The following DMD variants were observed in gnomAD, a reference collection of about 807,000 sequenced individuals.
DMD encodes dystrophin, also known as mutant dystrophin.
DMD carries 63 observed loss-of-function variants against 330.1 expected under a neutral mutation model. That is an observed-to-expected ratio of 0.19 (90% CI 0.16 to 0.24). The LOEUF (loss-of-function observed/expected upper bound fraction) is 0.24, where lower values mean the gene tolerates loss of function less well. Among genes scored for constraint, DMD ranks in the 10% least tolerant of loss-of-function variants. DMD has a pLI of 1.00. For missense variants in DMD, 3,344 were observed against 2,684.1 expected (o/e 1.25, Z -5.43); for synonymous variants, 1,223 against 959.8 (o/e 1.27, Z -5.07).
intron 7 of DMD, among the ~76,000 whole-genome samples, chrX:32,713,135 C>G (rs1321394823): frequency 8.9e-6 from 1 of 111,905 alleles, no homozygotes; most frequent in South Asian, 3.7e-4. Flanking sequence ...TCTACTAAAG[C>G]AAATCACCTG....
At chrX:31,343,667 G>A (rs4543699) in intron 61 of DMD, among the ~76,000 whole-genome samples, 27,342 of 107,431 alleles carry the variant, frequency 0.25, 2,848 homozygotes, top group East Asian at 0.53. Context: ...CAGAGAGAGA[G>A]AGAGAATAAG....
chrX:31,880,775 G>C (rs952207705), intron 47 of DMD, among the ~76,000 whole-genome samples: 1 of 112,285 alleles, frequency 8.9e-6, no homozygotes, highest in Non-Finnish European at 1.9e-5. Context: ...GGTGATGCTG[G>C]TGTAAGCAAA....
At chrX:32,732,295 C>G (rs1391769795) in intron 7 of DMD, among the ~76,000 whole-genome samples, 1 of 110,962 alleles carries the variant, frequency 9.0e-6, no homozygotes, top group Non-Finnish European at 1.9e-5. Flanking sequence ...ATTGGTGTAC[C>G]TGAAAGTGAT....
intron 41 of DMD, among the ~76,000 whole-genome samples, chrX:32,338,915 A>C (rs1001804852): frequency 9.7e-4 from 109 of 112,068 alleles, no homozygotes; most frequent in African/African-American, 3.3e-3. Flanking sequence ...TTATAGAATT[A>C]AATTTGAAAT....
At chrX:33,326,095 T>C (rs142171405) in intron 1 of DMD, among the ~76,000 whole-genome samples, 1 of 111,238 alleles carries the variant, frequency 9.0e-6, no homozygotes, top group Non-Finnish European at 1.9e-5. Context: ...TTGACAATAG[T>C]ACTGCTCGTG....
intron 63 of DMD, among the ~76,000 whole-genome samples, chrX:31,242,030 G>A (rs1356099718): frequency 9.1e-6 from 1 of 109,927 alleles, no homozygotes; most frequent in Non-Finnish European, 1.9e-5. Context: ...GCCGAGATGG[G>A]CAGATGGCTT....
intron 16 of DMD, among the ~76,000 whole-genome samples, chrX:32,559,344 A>G (rs994962920): frequency 1.8e-4 from 20 of 111,968 alleles, no homozygotes; most frequent in African/African-American, 6.5e-4. Context: ...ACCTTAAGTA[A>G]GAAGGAAACA....
chrX:32,140,583 G>T (rs1417639379), intron 44 of DMD, among the ~76,000 whole-genome samples: 1 of 112,005 alleles, frequency 8.9e-6, no homozygotes, highest in East Asian at 2.8e-4. Context: ...CCGTTTTCAT[G>T]CTGTGATAAA....
At chrX:32,396,083 T>A (rs572647272) in intron 30 of DMD, among the ~76,000 whole-genome samples, 3 of 111,238 alleles carry the variant, frequency 2.7e-5, no homozygotes, top group African/African-American at 9.8e-5. Context: ...CATATTGTTG[T>A]CATAAGTCAT....
intron 1 of DMD, among the ~76,000 whole-genome samples, chrX:33,253,658 T>A (rs1603425658): frequency 9.0e-6 from 1 of 111,120 alleles, no homozygotes; most frequent in Admixed American, 9.6e-5. Context: ...CCTAAAAAAA[T>A]TTCCAGTCCC....
intron 1 of DMD, among the ~76,000 whole-genome samples, chrX:33,292,588 T>G (rs1313405153): frequency 1.8e-5 from 2 of 110,082 alleles, no homozygotes; most frequent in African/African-American, 6.6e-5. Flanking sequence ...TACAAAAAAA[T>G]AGTAGGATAC....
chrX:33,017,513 C>G (rs1436393578), intron 2 of DMD, among the ~76,000 whole-genome samples: 2 of 111,017 alleles, frequency 1.8e-5, no homozygotes, highest in Non-Finnish European at 1.9e-5. Flanking sequence ...TCTTTTTTCT[C>G]TTTTTAAAGT....
chrX:33,084,440 G>C lies in DMD; in HGVS notation c.32-64240C>G, dbSNP rs138279436. On this transcript the variant is annotated intron_variant, in intron 1 of 78. Coordinates refer to ENST00000357033, the MANE Select transcript of DMD (RefSeq NM_004006.3). ...AGCAAATCGGTCTCCCCAGGCATTC[G>C]GGGAACAGAGTTTTTAAGGATAACT... Among the ~76,000 whole-genome samples the C allele has an allele frequency of 3.8e-3, 431 of 112,019 alleles. 1 individual carries two copies. The highest frequency in any genetic ancestry group is 0.013 in the African/African-American group (413 of 30,877).
intron 1 of DMD, among the ~76,000 whole-genome samples, chrX:33,117,234 C>T (rs141711837): frequency 0.029 from 3,180 of 110,893 alleles, 129 homozygotes; most frequent in African/African-American, 0.099. Flanking sequence ...TGGGGAAATG[C>T]TGGTCGAAGG....
At chrX:31,335,551 G>A (rs1224145966) in intron 61 of DMD, among the ~76,000 whole-genome samples, 1 of 111,955 alleles carries the variant, frequency 8.9e-6, no homozygotes. Context: ...GTATGCTGCT[G>A]AGCTTAAGGT....
At chrX:33,034,697 T>G (rs1357848845) in intron 1 of DMD, among the ~76,000 whole-genome samples, 1 of 112,638 alleles carries the variant, frequency 8.9e-6, no homozygotes, top group Non-Finnish European at 1.9e-5. Flanking sequence ...TTCTGCAGGA[T>G]GCAGTTTACA....
chrX:32,763,841 G>A (rs780610413), intron 7 of DMD, among the ~76,000 whole-genome samples: 2 of 111,063 alleles, frequency 1.8e-5, no homozygotes, highest in South Asian at 7.6e-4. Flanking sequence ...TACTATTACT[G>A]AAGCAAAACG....
rs7885551 is a variant in DMD at position 32,617,981 on chromosome X, C to A, written c.1332-3528G>T. The stretch of plus-strand genomic sequence containing the variant: ...AGATATGAAAAAATGCTCAACAGCA[C>A]TAATCATCTGGGAAATGCAAATTAA... On this transcript the variant is annotated intron_variant, in intron 11 of 78. Coordinates refer to ENST00000357033, the MANE Select transcript of DMD (RefSeq NM_004006.3). Among the ~76,000 whole-genome samples the A allele has an allele frequency of 2.2e-3, 250 of 111,544 alleles. 1 individual carries two copies. The highest frequency in any genetic ancestry group is 7.8e-3 in the African/African-American group (241 of 30,769).
chrX:31,802,165 A>T (rs1222962057), intron 50 of DMD, among the ~76,000 whole-genome samples: 3 of 102,656 alleles, frequency 2.9e-5, no homozygotes, highest in Admixed American at 2.2e-4. Flanking sequence ...GTGGGATATC[A>T]TTTCTTTTTT....
Sources: allele counts gnomAD v4.1 joint callset (sites outside exome capture counted in the v4.1 genomes callset), GRCh38; gene constraint gnomAD v4.1.1; transcripts MANE v1.5; gene names NCBI Gene and HGNC (gene_info 2026-07-23, HGNC 2026-07-21).